The following LARGE1 variants were observed in gnomAD, a reference collection of about 807,000 sequenced individuals.
The protein encoded by LARGE1 is xylosyl- and glucuronyltransferase LARGE1.
A neutral mutation model predicts 87.6 loss-of-function variants in LARGE1; 43 were observed. The ratio of observed to expected loss-of-function variants is 0.49; its 90% confidence interval spans 0.38 to 0.63. LARGE1 has a LOEUF of 0.63. LARGE1 is among the 30% of genes least tolerant of loss of function. The probability of loss-of-function intolerance (pLI) is 0.00; values close to 1 mark genes in which losing one functional copy is unlikely to be tolerated. For missense variants in LARGE1, 802 were observed against 1,000.2 expected (o/e 0.80, Z 2.67); for synonymous variants, 434 against 394.6 (o/e 1.10, Z -1.18).
At chr22:33,087,625 T>G in the LARGE1 span, among the ~76,000 whole-genome samples, 1 of 152,214 alleles carries the variant, frequency 6.6e-6, no homozygotes, top group Non-Finnish European at 1.5e-5. Context: ...TTTTAAAATT[T>G]AAATCTAAAT....
chr22:33,694,764 G>A (rs75428975), intron 2 of LARGE1, among the ~76,000 whole-genome samples: 4,017 of 152,150 alleles, frequency 0.026, 189 homozygotes, highest in African/African-American at 0.091. Context: ...ATAGGATCAG[G>A]TAGCCCCCTA....
chr22:33,715,462 T>C (rs1240058760), intron 2 of LARGE1, among the ~76,000 whole-genome samples: 1 of 152,164 alleles, frequency 6.6e-6, no homozygotes, highest in Non-Finnish European at 1.5e-5. Context: ...TCTTCCTAGC[T>C]GGCTGCACTC....
At chr22:33,072,842 G>C in the LARGE1 span, among the ~76,000 whole-genome samples, 3 of 152,204 alleles carry the variant, frequency 2.0e-5, no homozygotes, top group East Asian at 1.9e-4. Context: ...TCCATTCTCC[G>C]GTCCAGCTCA....
chr22:33,693,563 C>T (rs567453072), intron 2 of LARGE1, among the ~76,000 whole-genome samples: 219 of 152,304 alleles, frequency 1.4e-3, no homozygotes, highest in Non-Finnish European at 2.2e-3. Flanking sequence ...CGGTGGCTCA[C>T]GCCTGTGATC....
chr22:33,300,157 C>T (rs1340627766), intron 12 of LARGE1, among the ~76,000 whole-genome samples: 2 of 152,278 alleles, frequency 1.3e-5, no homozygotes, highest in African/African-American at 2.4e-5. Context: ...CTGGCCCCTT[C>T]GACAGAGTGA....
At chr22:33,124,638 C>T in the LARGE1 span, among the ~76,000 whole-genome samples, 6 of 152,284 alleles carry the variant, frequency 3.9e-5, no homozygotes, top group East Asian at 5.8e-4. Context: ...TCACTGACCA[C>T]CATCCTCTCT....
chr22:33,851,261 T>C (rs1349117289), intron 1 of LARGE1, among the ~76,000 whole-genome samples: 1 of 152,244 alleles, frequency 6.6e-6, no homozygotes, highest in East Asian at 1.9e-4. Context: ...CTTGGGTCTC[T>C]TGACTCCTAA....
intron 11 of LARGE1, among the ~76,000 whole-genome samples, chr22:33,231,603 G>T (rs1926009087): frequency 6.6e-6 from 1 of 152,130 alleles, no homozygotes; most frequent in East Asian, 1.9e-4. Flanking sequence ...GTGAAGAGAA[G>T]GCATTTAAAT....
the LARGE1 span, among the ~76,000 whole-genome samples, chr22:33,112,880 T>C: frequency 6.6e-6 from 1 of 152,160 alleles, no homozygotes; most frequent in Non-Finnish European, 1.5e-5. Flanking sequence ...GTAGTCCTCT[T>C]TGTCTCTGTC....
intron 11 of LARGE1, among the ~76,000 whole-genome samples, chr22:33,262,028 G>T (rs889616520): frequency 6.6e-6 from 1 of 152,252 alleles, no homozygotes; most frequent in Non-Finnish European, 1.5e-5. Flanking sequence ...AGCAAACGAT[G>T]CCATGTATTG....
chr22:33,251,153 C>T (rs1926993638), intron 11 of LARGE1, among the ~76,000 whole-genome samples: 1 of 152,222 alleles, frequency 6.6e-6, no homozygotes, highest in Non-Finnish European at 1.5e-5. Flanking sequence ...CCCTACACTA[C>T]TGGCCTTATT....
the LARGE1 span, among the ~76,000 whole-genome samples, chr22:33,070,050 G>T: frequency 6.6e-6 from 1 of 152,090 alleles, no homozygotes; most frequent in African/African-American, 2.4e-5. Context: ...TCGAACTCCC[G>T]ACCTCAGGTG....
At chr22:33,187,793 G>C (rs977382853) in intron 11 of LARGE1, among the ~76,000 whole-genome samples, 1 of 151,242 alleles carries the variant, frequency 6.6e-6, no homozygotes, top group African/African-American at 2.4e-5. Context: ...GCATGGTGGC[G>C]GGTGCCTGTA....
chr22:33,384,347 A>G, intron 7 of LARGE1, 43 bp from the exon 8 acceptor site: 1 of 1,441,660 alleles, frequency 6.9e-7, no homozygotes, highest in Admixed American at 1.7e-5. Flanking sequence ...AAAAAATAAA[A>G]AAGATGGAGA....
chr22:33,901,654 G>C (rs2065286629), intron 1 of LARGE1, among the ~76,000 whole-genome samples: 1 of 152,168 alleles, frequency 6.6e-6, no homozygotes, highest in Non-Finnish European at 1.5e-5. Context: ...CTGGGCAACA[G>C]AGTGAGATAG....
At chr22:33,173,858 A>G (rs1248991936) in intron 11 of LARGE1, among the ~76,000 whole-genome samples, 4 of 152,212 alleles carry the variant, frequency 2.6e-5, no homozygotes, top group East Asian at 1.9e-4. Context: ...TTAGAGGCCT[A>G]CAAAGAAACT....
At chr22:33,519,575 G>T (rs973632592) in intron 6 of LARGE1, among the ~76,000 whole-genome samples, 1 of 151,952 alleles carries the variant, frequency 6.6e-6, no homozygotes, top group African/African-American at 2.4e-5. Flanking sequence ...ACCCACACTG[G>T]GAGTTTATTC....
At chr22:33,810,786 C>T (rs62227775) in intron 1 of LARGE1, among the ~76,000 whole-genome samples, 10,829 of 151,014 alleles carry the variant, frequency 0.072, 501 homozygotes, top group Admixed American at 0.11. Context: ...TGCAATGGTG[C>T]GATCTTGGAT....
At chr22:33,270,311 TA>T (rs11444755), downstream of LARGE1, among the ~76,000 whole-genome samples, 562 of 151,746 alleles carry the variant, frequency 3.7e-3, 2 homozygotes, top group Middle Eastern at 0.01. Flanking sequence ...CCCTTAGGGT[TA>T]AAAAAAATGA....
Sources: allele counts gnomAD v4.1 joint callset (sites outside exome capture counted in the v4.1 genomes callset), GRCh38; gene constraint gnomAD v4.1.1; transcripts MANE v1.5; gene names NCBI Gene and HGNC (gene_info 2026-07-23, HGNC 2026-07-21).